The following SPATA22 variants were observed in gnomAD, a reference collection of about 807,000 sequenced individuals.
The protein encoded by SPATA22 is spermatogenesis-associated protein 22.
SPATA22 carries 29 observed loss-of-function variants against 47.8 expected under a neutral mutation model. The ratio of observed to expected loss-of-function variants is 0.61; its 90% CI spans 0.45 to 0.83. SPATA22 has a LOEUF of 0.83. Among genes scored for constraint, SPATA22 ranks in the 40% least tolerant of loss-of-function variants. SPATA22 has a pLI of 0.00. For synonymous variants in SPATA22, 133 were observed against 140.9 expected, an observed-to-expected ratio of 0.94 and a Z score of 0.40; for missense variants, 410 against 421.7, an observed-to-expected ratio of 0.97 and a Z score of 0.24.
intron 1 of SPATA22, chr17:3,494,398 A>C (rs756641891): frequency 6.2e-7 from 1 of 1,613,312 alleles, no homozygotes; most frequent in South Asian, 1.1e-5. Flanking sequence ...ATTATAGAGA[A>C]AGTTGATTAC....
At position 3,443,121 on chromosome 17, in the gene SPATA22, T is replaced by A. The variant is rs146043163; in HGVS notation, c.900+53A>T. ...TATTTCAACTGAATTATAGCCTGCA[T>A]GTTTATATTCTGTTGACATAGGCTT... On this transcript the variant is annotated intron_variant, in intron 8 of 8. Coordinates refer to ENST00000572969, the MANE Select transcript of SPATA22 (RefSeq NM_001170698.2). 1.5e-4 allele frequency: 176 copies of A among 1,208,406 alleles called. No individual in the cohort carries two copies. The Middle Eastern group carries it at 3.9e-3, about 27-fold the overall frequency. 74.9% of individuals were successfully genotyped at this position (1,208,406 alleles called of 1,614,324 possible).
rs551006362 is a variant in SPATA22 at position 3,488,224 on chromosome 17, G to A, written c.-73-18826C>T. 5.3e-4 allele frequency among the ~76,000 whole-genome samples: 80 copies of A among 152,098 alleles called. No homozygotes were observed. The highest frequency in any genetic ancestry group is 1.9e-3 in the African/African-American group (80 of 41,492). On this transcript the variant is annotated intron_variant, in intron 1 of 8. Coordinates refer to the SPATA22 transcript ENST00000541913. This position sits in a 1 kb window ranked among gnomAD's most constrained non-coding sequence, Gnocchi z 6.1. The stretch of plus-strand genomic sequence containing the variant: ...GTGGGAGACTTGAACAGGAAGGAAG[G>A]GTCTACAAAAGTAGTTTAAAGAAAG...
chr17:3,444,495 A>C (rs2072674900), intron 7 of SPATA22, among the ~76,000 whole-genome samples: 1 of 152,120 alleles, frequency 6.6e-6, no homozygotes, highest in Admixed American at 6.6e-5. Context: ...ATAGTCTACA[A>C]AAATTTAATA....
intron 1 of SPATA22, among the ~76,000 whole-genome samples, chr17:3,482,354 A>G (rs762248799): frequency 3.3e-5 from 5 of 152,180 alleles, no homozygotes; most frequent in Non-Finnish European, 5.9e-5. Flanking sequence ...TCAGTACTTC[A>G]TAATCATTTT....
At chr17:3,464,505 GC>G (rs1047711699) in intron 3 of SPATA22, among the ~76,000 whole-genome samples, 5 of 132,266 alleles carry the variant, frequency 3.8e-5, no homozygotes, top group African/African-American at 1.3e-4. Context: ...GAGTGTCTCT[GC>G]CCGGCCGCCG....
intron 5 of SPATA22, among the ~76,000 whole-genome samples, chr17:3,450,920 A>G (rs2072844375): frequency 6.6e-6 from 1 of 152,214 alleles, no homozygotes; most frequent in Non-Finnish European, 1.5e-5. Flanking sequence ...CGACTTGCTC[A>G]ATGCAGGGTT....
At chr17:3,499,157 T>C in intron 1 of SPATA22, 1 of 1,532,772 alleles carries the variant, frequency 6.5e-7, no homozygotes, top group Non-Finnish European at 8.9e-7. Flanking sequence ...TCCTTAAGAG[T>C]AGGGTTGTGC....
intron 1 of SPATA22, chr17:3,512,138 A>C (rs2074121131): frequency 6.6e-6 from 1 of 152,216 alleles, no homozygotes; most frequent in African/African-American, 2.4e-5. Context: ...TGTTGAGCCA[A>C]AATCTTTCTC....
chr17:3,453,597 C>T (rs2072913757), intron 5 of SPATA22, among the ~76,000 whole-genome samples: 1 of 152,000 alleles, frequency 6.6e-6, no homozygotes, highest in African/African-American at 2.4e-5. Flanking sequence ...CGCAAGGATG[C>T]CCACTCTCAC....
intron 4 of SPATA22, 33 bp downstream of exon 4, chr17:3,462,674 C>T: frequency 6.3e-7 from 1 of 1,588,478 alleles, no homozygotes; most frequent in Non-Finnish European, 8.6e-7. Context: ...TAGTAACAGA[C>T]ACACATCCAA....
intron 1 of SPATA22, chr17:3,501,105 C>T (rs1225914167): frequency 6.6e-6 from 1 of 151,946 alleles, no homozygotes; most frequent in Non-Finnish European, 1.5e-5. Context: ...GTCATTGTGA[C>T]TTTCAAATCT....
intron 7 of SPATA22, among the ~76,000 whole-genome samples, chr17:3,444,769 G>C (rs932572589): frequency 6.6e-6 from 1 of 151,870 alleles, no homozygotes; most frequent in Non-Finnish European, 1.5e-5. Flanking sequence ...TTTTCTGGGG[G>C]GTGCTTGCAA....
intron 5 of SPATA22, among the ~76,000 whole-genome samples, chr17:3,459,052 A>G (rs2073063460): frequency 1.3e-5 from 2 of 151,952 alleles, no homozygotes; most frequent in Admixed American, 1.3e-4. Context: ...ACACAGAAAG[A>G]ATGTGTGGGA....
intron 1 of SPATA22, among the ~76,000 whole-genome samples, chr17:3,484,397 T>C (rs752291197): frequency 2.0e-5 from 3 of 152,120 alleles, no homozygotes; most frequent in Non-Finnish European, 4.4e-5. Flanking sequence ...CACAGAGTGA[T>C]AAATGCTAAA....
chr17:3,440,490 A>G, intron 8 of SPATA22, 152 bp from the exon 9 acceptor site: 1 of 551,880 alleles, frequency 1.8e-6, no homozygotes, highest in South Asian at 3.0e-5. Context: ...CAAGACAATG[A>G]TAGTTATTCA....
intron 5 of SPATA22, among the ~76,000 whole-genome samples, chr17:3,452,340 TC>T (rs1310467207): frequency 6.8e-6 from 1 of 146,056 alleles, no homozygotes; most frequent in African/African-American, 2.5e-5. Flanking sequence ...ATACCTGTAA[TC>T]CCAGCACTTT....
Position 3,471,678 on chromosome 17 carries a change from GCA to G in SPATA22, c.-74+2_-74+3del. ...GGAGTGGGGGCAGTTTGGTATCAAC[GCA>G]CAGTCTTTCCCTTCTAGGCCCTCCT... On this transcript the variant is annotated splice_donor_variant and splice_donor_region_variant and intron_variant, in intron 1 of 8. Transcript: ENST00000572969. LOFTEE classifies it low-confidence loss of function (5UTR_SPLICE). 0.04 allele frequency: 39,569 copies of G among 985,290 alleles called. 2,557 individuals carry two copies. The highest frequency in any genetic ancestry group is 0.27 in the African/African-American group (15,230 of 57,222). 61.0% of individuals were successfully genotyped at this position (985,290 alleles called of 1,614,324 possible). A position where few individuals can be genotyped will look rare whatever the true frequency, so the allele number is the denominator to read the frequency against.
At chr17:3,491,135 T>C (rs1015012932) in intron 1 of SPATA22, among the ~76,000 whole-genome samples, 1 of 152,192 alleles carries the variant, frequency 6.6e-6, no homozygotes, top group Non-Finnish European at 1.5e-5. Flanking sequence ...TGCGACATGC[T>C]TAGCTAAGTG....
At chr17:3,450,266 C>G (rs2072826632) in intron 5 of SPATA22, among the ~76,000 whole-genome samples, 1 of 152,178 alleles carries the variant, frequency 6.6e-6, no homozygotes, top group Non-Finnish European at 1.5e-5. Flanking sequence ...GGTCTAGGTA[C>G]ACTGCTGACC....
Sources: gnomAD v4.1 joint callset for allele counts (sites outside exome capture counted in the v4.1 genomes callset) on GRCh38, gnomAD v4.1.1 for gene constraint, Gnocchi (gnomAD v3.1) non-coding constraint, MANE v1.5 for transcripts, NCBI Gene and HGNC (gene_info 2026-07-23, HGNC 2026-07-21) for gene names.